Variants in THAP8 observed in about 807,000 individuals in gnomAD.
THAP8 encodes the protein THAP domain-containing protein 8.
In THAP8, 24 loss-of-function variants were observed where a neutral mutation model predicts 25.0. That is an observed-to-expected ratio of 0.96 (90% CI 0.69 to 1.35). THAP8 has a LOEUF of 1.35. THAP8 is among the 40% of genes most tolerant of loss of function. The pLI, the probability that THAP8 is intolerant of heterozygous loss-of-function variation, is 0.00. For missense variants in THAP8, 399 were observed against 368.8 expected (o/e 1.08, Z -0.67); for synonymous variants, 169 against 157.6 (o/e 1.07, Z -0.54).
intron 1 of THAP8, among the ~76,000 whole-genome samples, chr19:36,052,926 G>GAAAT (rs1970096580): frequency 6.6e-6 from 1 of 152,184 alleles, no homozygotes; most frequent in Non-Finnish European, 1.5e-5. Context: ...ATGTCCAAGA[G>GAAAT]AAATATTTTT....
chr19:36,036,783 A>C (rs1386495825), intron 3 of THAP8, among the ~76,000 whole-genome samples: 1 of 151,864 alleles, frequency 6.6e-6, no homozygotes, highest in Non-Finnish European at 1.5e-5. Context: ...TCTACTACAA[A>C]CACAAAACTT....
At chr19:36,044,762 G>A (rs935689210) in intron 1 of THAP8, among the ~76,000 whole-genome samples, 7 of 152,156 alleles carry the variant, frequency 4.6e-5, no homozygotes, top group African/African-American at 1.2e-4. Flanking sequence ...AAAGTGCTGC[G>A]ATTATAGGCA....
chr19:36,054,523 T>A, upstream of THAP8: 1 of 564,226 alleles, frequency 1.8e-6, no homozygotes, highest in Non-Finnish European at 3.2e-6. Flanking sequence ...ACGGCGTTTC[T>A]GAGCCTGCGC....
At chr19:36,045,300 G>A (rs1318643583) in intron 1 of THAP8, among the ~76,000 whole-genome samples, 2 of 151,762 alleles carry the variant, frequency 1.3e-5, no homozygotes, top group Non-Finnish European at 2.9e-5. Context: ...ACAGGGTTTT[G>A]CTCTGTCACC....
rs752906659 is a variant in THAP8, at chr19:36,045,852, G to A, written c.84-5716C>T. ...ACCTCCAGAGGAGTACAGCCCTGCC[G>A]ACACCTTGGTTTTGGCCCAGGAAAG... On this transcript the variant is annotated intron_variant, in intron 1 of 3. Coordinates refer to ENST00000292894, the MANE Select transcript of THAP8 (RefSeq NM_152658.3). The A allele has an allele frequency of 1.1e-4, 50 of 456,520 alleles. 1 individual carries two copies. The highest frequency in any genetic ancestry group is 6.0e-4 in the South Asian group (39 of 64,560). The allele number at this position is 456,520 out of a possible 1,614,324, so 28.3% of individuals were successfully genotyped here.
intron 1 of THAP8, among the ~76,000 whole-genome samples, chr19:36,044,498 C>CA (rs1555789674): frequency 5.3e-5 from 8 of 151,142 alleles, no homozygotes; most frequent in Non-Finnish European, 1.2e-4. Flanking sequence ...TCTTTTCTTT[C>CA]TTTTTTTTTG....
In THAP8 at chr19:36,048,864, AC is replaced by A. The variant is rs1008374584; in HGVS notation, c.83+5270del. On this transcript the variant is annotated intron_variant, in intron 1 of 3. Coordinates refer to ENST00000292894, the MANE Select transcript of THAP8 (RefSeq NM_152658.3). ...TTTAAAAAAAAAAAAAAACAAAAAA[AC>A]AAAAAACACCTTTGTTGTAGTAAGC... Among the ~76,000 whole-genome samples the A allele has an allele frequency of 4.0e-4, 59 of 147,528 alleles. 3 individuals carry two copies. The highest frequency in any genetic ancestry group is 9.4e-4 in the African/African-American group (37 of 39,430).
rs1383102968 is a variant in THAP8 at position 36,035,206 on chromosome 19, G to A, written c.*234C>T. The A allele has an allele frequency of 2.0e-6, 1 of 496,392 alleles. No homozygotes were observed. The highest frequency in any genetic ancestry group is 3.6e-6 in the Non-Finnish European group (1 of 280,630). 30.7% of individuals were successfully genotyped at this position (496,392 alleles called of 1,614,324 possible). A position where few individuals can be genotyped will look rare whatever the true frequency, so the allele number is the denominator to read the frequency against. ...GTCGTACTGATTTGCAAAGATCTGA[G>A]CCGGGGGTGGCAGAAGCCTGGTACC... On this transcript the variant is annotated 3_prime_UTR_variant, in exon 4 of 4. Transcript: ENST00000292894.
intron 1 of THAP8, among the ~76,000 whole-genome samples, chr19:36,049,578 G>A (rs1397904158): frequency 1.3e-5 from 2 of 152,176 alleles, no homozygotes; most frequent in African/African-American, 4.8e-5. Context: ...AGGCCCTGAG[G>A]TGGAAATGGG....
intron 3 of THAP8, among the ~76,000 whole-genome samples, chr19:36,037,366 A>ACGCACACG: frequency 6.6e-6 from 1 of 151,556 alleles, no homozygotes; most frequent in Admixed American, 6.6e-5. Context: ...ACACACACAC[A>ACGCACACG]CACACACACA....
At position 36,045,734 on chromosome 19, in the gene THAP8, T is replaced by C. The variant is rs554243584; in HGVS notation, c.84-5598A>G. Reference sequence around the variant, plus strand: ...AAAAGAAGAGAGGGCAATGCAACCATGGAGGCAGAGACTGGAGAGATGTGG... The same window carrying C: ...AAAAGAAGAGAGGGCAATGCAACCACGGAGGCAGAGACTGGAGAGATGTGG... On this transcript the variant is annotated intron_variant, in intron 1 of 3. Transcript: ENST00000292894. 35 of 456,496 alleles carry C rather than the reference T, an allele frequency of 7.7e-5. No individual in the cohort carries two copies. In the East Asian group the frequency reaches 1.8e-3, roughly 24 times the overall value. 28.3% of individuals were successfully genotyped at this position (456,496 alleles called of 1,614,324 possible).
At chr19:36,045,642 C>T (rs56872552) in intron 1 of THAP8, 6,278 of 436,590 alleles carry the variant, frequency 0.014, 325 homozygotes, top group African/African-American at 0.11. Context: ...CCTGGGTCAT[C>T]CGGGTTGGCC....
At chr19:36,054,735 TA>T (rs774892296), upstream of THAP8, 64 of 600,206 alleles carry the variant, frequency 1.1e-4, no homozygotes, top group Non-Finnish European at 1.7e-4. Context: ...CCATGACGCT[TA>T]ATCAGGCATC....
intron 1 of THAP8, among the ~76,000 whole-genome samples, chr19:36,046,262 G>A (rs774881983): frequency 7.2e-5 from 11 of 152,004 alleles, no homozygotes; most frequent in Middle Eastern, 3.2e-3. Flanking sequence ...CTTTCCCTTC[G>A]CCTTGCACCA....
intron 1 of THAP8, among the ~76,000 whole-genome samples, chr19:36,046,739 A>G (rs1375274541): frequency 6.6e-6 from 1 of 152,238 alleles, no homozygotes; most frequent in East Asian, 1.9e-4. Context: ...GAATCTGCCA[A>G]TGGACTACTC....
chr19:36,035,295 AGG>A lies in THAP8; in HGVS notation c.*143_*144del. On this transcript the variant is annotated 3_prime_UTR_variant, in exon 4 of 4. Coordinates refer to ENST00000292894, the MANE Select transcript of THAP8 (RefSeq NM_152658.3). ...CACCCCTAAGGTTCAAGAGATCCCT[AGG>A]AGTGGGGTGGTAGAACCCAGGCCCT... 9.6e-7 allele frequency: 1 copy of A among 1,045,230 alleles called. No individual in the cohort carries two copies. Among genetic ancestry groups the A allele is most frequent in the South Asian group, 1.7e-5 (1 of 57,916 alleles). The allele number at this position is 1,045,230 out of a possible 1,614,324, so 64.7% of individuals were successfully genotyped here.
Position 36,053,444 on chromosome 19 carries a change from A to G in THAP8, c.83+691T>C, listed in dbSNP as rs373437286. On this transcript the variant is annotated intron_variant, in intron 1 of 3. Transcript: ENST00000292894. ...GTGGCGCGTGCCTCTGGTCCCAGCT[A>G]CTTGGTAGGGTGAGGTGGGAGGATC... Among the ~76,000 whole-genome samples the G allele has an allele frequency of 8.1e-5, 12 of 147,882 alleles. No individual in the cohort carries two copies. The East Asian group carries it at 1.2e-3, about 15-fold the overall frequency.
chr19:36,052,036 TGTTTTTTGG>T (rs1183569594), intron 1 of THAP8, among the ~76,000 whole-genome samples: 3 of 151,732 alleles, frequency 2.0e-5, no homozygotes, highest in South Asian at 2.1e-4. Flanking sequence ...TTTGTTTGTT[TGTTTTTTGG>T]GTTTTTTGGT....
Position 36,039,727 on chromosome 19 carries a change from C to A in THAP8, c.277-9G>T. ...CGGGTCCTCCGCTGACTCTGGAAGA[C>A]AAGGCATGGGGTGCAGGGGTGCCGT... On this transcript the variant is annotated splice_polypyrimidine_tract_variant and intron_variant, in intron 2 of 3. Transcript: ENST00000292894. 6.6e-7 allele frequency: 1 copy of A among 1,510,676 alleles called. No homozygotes were observed. Among genetic ancestry groups the A allele is most frequent in the Non-Finnish European group, 8.9e-7 (1 of 1,129,248 alleles). The allele number at this position is 1,510,676 out of a possible 1,614,324, so 93.6% of individuals were successfully genotyped here. A position where few individuals can be genotyped will look rare whatever the true frequency, so the allele number is the denominator to read the frequency against.
Sources: allele counts gnomAD v4.1 joint callset (sites outside exome capture counted in the v4.1 genomes callset), GRCh38; gene constraint gnomAD v4.1.1; transcripts MANE v1.5; gene names NCBI Gene and HGNC (gene_info 2026-07-23, HGNC 2026-07-21).